The following FHIT variants were observed in gnomAD, a reference collection of about 807,000 sequenced individuals.
FHIT encodes fragile histidine triad diadenosine triphosphatase, also known as bis(5'-adenosyl)-triphosphatase.
FHIT carries 19 observed loss-of-function variants against 17.9 expected under a neutral mutation model. The observed-to-expected ratio is 1.06, with a 90% CI of 0.74 to 1.56. FHIT has a LOEUF of 1.56. Ranked by LOEUF, FHIT falls within the 40% of genes most tolerant of loss-of-function variation. The pLI, the probability that FHIT is intolerant of heterozygous loss-of-function variation, is 0.00. For synonymous variants in FHIT, 81 were observed against 69.7 expected, an observed-to-expected ratio of 1.16 and a Z score of -0.81; for missense variants, 248 against 189.2, an observed-to-expected ratio of 1.31 and a Z score of -1.82.
intron 2 of FHIT, among the ~76,000 whole-genome samples, chr3:61,138,215 C>T (rs1473841676): frequency 6.6e-6 from 1 of 152,216 alleles, no homozygotes; most frequent in African/African-American, 2.4e-5. Context: ...TCCAAGACCA[C>T]ACTTCTGAGA....
At chr3:61,090,134 C>A (rs1371902991) in intron 2 of FHIT, among the ~76,000 whole-genome samples, 1 of 152,054 alleles carries the variant, frequency 6.6e-6, no homozygotes, top group Non-Finnish European at 1.5e-5. Context: ...TCAAAATAGC[C>A]CCCCAAAATA....
intron 5 of FHIT, among the ~76,000 whole-genome samples, chr3:60,448,682 T>G (rs1056286402): frequency 5.9e-5 from 9 of 152,170 alleles, no homozygotes; most frequent in African/African-American, 2.2e-4. Context: ...GCATTGATCA[T>G]TTTCCCTGCA....
intron 5 of FHIT, among the ~76,000 whole-genome samples, chr3:60,189,722 T>C (rs1474250986): frequency 1.3e-5 from 2 of 152,238 alleles, no homozygotes; most frequent in Non-Finnish European, 2.9e-5. Flanking sequence ...TGAATCGTTT[T>C]TCAGCTCTCT....
intron 5 of FHIT, among the ~76,000 whole-genome samples, chr3:60,125,502 C>T (rs980310456): frequency 1.3e-5 from 2 of 151,700 alleles, no homozygotes; most frequent in Admixed American, 1.3e-4. Context: ...TGTGGTGGTG[C>T]ATGCCTGTAA....
intron 4 of FHIT, among the ~76,000 whole-genome samples, chr3:60,682,866 T>A: frequency 6.6e-6 from 1 of 152,236 alleles, no homozygotes; most frequent in East Asian, 1.9e-4. Context: ...CCATGCTGGA[T>A]GTCATTGAGA....
At chr3:60,878,315 T>C (rs1230191576) in intron 3 of FHIT, among the ~76,000 whole-genome samples, 3 of 152,000 alleles carry the variant, frequency 2.0e-5, no homozygotes, top group Non-Finnish European at 2.9e-5. Flanking sequence ...CCTGACTCCA[T>C]AGCCACTTCA....
At chr3:59,820,058 C>T (rs1030877073) in intron 8 of FHIT, among the ~76,000 whole-genome samples, 1 of 152,146 alleles carries the variant, frequency 6.6e-6, no homozygotes, top group Non-Finnish European at 1.5e-5. Flanking sequence ...TTCCCAGGCT[C>T]CAGAACTATG....
At chr3:60,468,044 C>A (rs1266508111) in intron 5 of FHIT, among the ~76,000 whole-genome samples, 1 of 152,022 alleles carries the variant, frequency 6.6e-6, no homozygotes, top group Admixed American at 6.6e-5. Context: ...CATATAATGA[C>A]CTTCTTTGTC....
At chr3:60,968,565 A>G (rs1709858062) in intron 3 of FHIT, among the ~76,000 whole-genome samples, 2 of 152,054 alleles carry the variant, frequency 1.3e-5, no homozygotes, top group Non-Finnish European at 2.9e-5. Flanking sequence ...GGCACCTGCC[A>G]CCACACCCAG....
chr3:60,089,930 G>T (rs1043200380), intron 5 of FHIT, among the ~76,000 whole-genome samples: 1 of 152,046 alleles, frequency 6.6e-6, no homozygotes, highest in South Asian at 2.1e-4. Context: ...ACAGAATAAC[G>T]AATATATATG....
At chr3:60,324,276 G>C (rs368135150) in intron 5 of FHIT, among the ~76,000 whole-genome samples, 3 of 152,072 alleles carry the variant, frequency 2.0e-5, no homozygotes, top group East Asian at 1.9e-4. Flanking sequence ...TGACCACCCA[G>C]ACTGCCCCTC....
intron 3 of FHIT, among the ~76,000 whole-genome samples, chr3:60,941,610 T>A (rs1260426919): frequency 2.0e-5 from 3 of 152,228 alleles, no homozygotes; most frequent in Admixed American, 6.5e-5. Flanking sequence ...GTTCTTAGGA[T>A]TTAAATAAAG....
chr3:60,584,465 C>A (rs1336047778), intron 4 of FHIT, among the ~76,000 whole-genome samples: 5 of 151,848 alleles, frequency 3.3e-5, no homozygotes, highest in African/African-American at 1.2e-4. Context: ...AAAGAATTTC[C>A]CCAAGTAATA....
At chr3:61,104,060 A>G (rs2035918747) in intron 2 of FHIT, among the ~76,000 whole-genome samples, 1 of 151,998 alleles carries the variant, frequency 6.6e-6, no homozygotes, top group African/African-American at 2.4e-5. Context: ...CATTTAGTCC[A>G]TTTACATTTA....
At chr3:60,985,632 T>A (rs1306238387) in intron 3 of FHIT, among the ~76,000 whole-genome samples, 1 of 152,200 alleles carries the variant, frequency 6.6e-6, no homozygotes, top group African/African-American at 2.4e-5. Context: ...AGCATAATAA[T>A]TACCTGGAAG....
At chr3:61,072,412 G>C (rs2034834884) in intron 2 of FHIT, among the ~76,000 whole-genome samples, 1 of 152,176 alleles carries the variant, frequency 6.6e-6, no homozygotes, top group Non-Finnish European at 1.5e-5. Flanking sequence ...CAATCACCAA[G>C]TGGGACAATT....
intron 8 of FHIT, among the ~76,000 whole-genome samples, chr3:59,817,562 T>TAAAAAAAAAAAAAAAAAAAAAAAAAA (rs10691937): frequency 2.1e-5 from 2 of 93,912 alleles, no homozygotes; most frequent in Non-Finnish European, 2.0e-5. Context: ...CACCCGTCAC[T>TAAAAAAAAAAAAAAAAAAAAAAAAAA]AAAAAAAAAA....
chr3:61,005,486 G>A (rs1258279346), intron 3 of FHIT, among the ~76,000 whole-genome samples: 1 of 152,036 alleles, frequency 6.6e-6, no homozygotes, highest in Non-Finnish European at 1.5e-5. Flanking sequence ...GGTGACAAAT[G>A]ATGGTGGTAA....
chr3:61,203,228 A>G (rs1576205620), intron 1 of FHIT, among the ~76,000 whole-genome samples: 1 of 150,906 alleles, frequency 6.6e-6, no homozygotes, highest in East Asian at 1.9e-4. Flanking sequence ...GGGCACCTGT[A>G]ATCCCAGCTA....
Sources: gnomAD v4.1 joint callset for allele counts (sites outside exome capture counted in the v4.1 genomes callset) on GRCh38, gnomAD v4.1.1 for gene constraint, MANE v1.5 for transcripts, NCBI Gene and HGNC (gene_info 2026-07-23, HGNC 2026-07-21) for gene names.